Variants in SPIDR observed in about 807,000 individuals in gnomAD.
The protein encoded by SPIDR is scaffold protein involved in DNA repair.
A neutral mutation model predicts 104.6 loss-of-function variants in SPIDR; 93 were observed. That is an observed-to-expected ratio of 0.89 (90% CI 0.75 to 1.06). The LOEUF (loss-of-function observed/expected upper bound fraction) is 1.06, where lower values mean the gene tolerates loss of function less well. SPIDR is among the 50% of genes least tolerant of loss of function. SPIDR has a pLI of 0.00. For missense variants in SPIDR, 1,154 were observed against 1,111.2 expected (o/e 1.04, Z -0.55); for synonymous variants, 431 against 416.9 (o/e 1.03, Z -0.41).
chr8:47,550,153 G>C (rs2090197577), intron 8 of SPIDR, among the ~76,000 whole-genome samples: 1 of 152,156 alleles, frequency 6.6e-6, no homozygotes, highest in South Asian at 2.1e-4. Context: ...GTACCATCCT[G>C]TTTTTGTTAC....
intron 5 of SPIDR, among the ~76,000 whole-genome samples, chr8:47,300,874 G>A (rs2041957011): frequency 6.6e-6 from 1 of 152,132 alleles, no homozygotes; most frequent in Admixed American, 6.5e-5. Context: ...CCAAATATGT[G>A]GTCAATTTGG....
intron 8 of SPIDR, among the ~76,000 whole-genome samples, chr8:47,561,303 C>T (rs1202993193): frequency 6.6e-6 from 1 of 152,040 alleles, no homozygotes; most frequent in Non-Finnish European, 1.5e-5. Flanking sequence ...TTGGAGTTTC[C>T]ACCTGGAGTC....
At chr8:47,551,470 G>C (rs1332787548) in intron 8 of SPIDR, among the ~76,000 whole-genome samples, 1 of 152,164 alleles carries the variant, frequency 6.6e-6, no homozygotes, top group Non-Finnish European at 1.5e-5. Context: ...TCTATTGAGA[G>C]ATTCAACTTC....
chr8:47,664,302 G>T (rs1401347507), intron 10 of SPIDR, among the ~76,000 whole-genome samples: 1 of 152,180 alleles, frequency 6.6e-6, no homozygotes, highest in Non-Finnish European at 1.5e-5. Context: ...GAAGACTAGT[G>T]GGGGTAGGTG....
chr8:47,690,310 T>C (rs997636652), intron 11 of SPIDR, among the ~76,000 whole-genome samples: 5 of 152,082 alleles, frequency 3.3e-5, no homozygotes, highest in South Asian at 2.1e-4. Flanking sequence ...TGCGCCTGTG[T>C]GTGTAATTTC....
intron 7 of SPIDR, among the ~76,000 whole-genome samples, chr8:47,420,650 CGTCATTA>C (rs2065268270): frequency 6.6e-6 from 1 of 152,096 alleles, no homozygotes; most frequent in Admixed American, 6.6e-5. Context: ...AATTTGATCC[CGTCATTA>C]TGATGTTACC....
At chr8:47,632,663 C>G (rs2067253636) in intron 10 of SPIDR, among the ~76,000 whole-genome samples, 1 of 152,178 alleles carries the variant, frequency 6.6e-6, no homozygotes, top group South Asian at 2.1e-4. Flanking sequence ...TTTACATACT[C>G]AGGGGAAAAG....
intron 8 of SPIDR, among the ~76,000 whole-genome samples, chr8:47,569,384 T>C (rs1272174252): frequency 6.6e-6 from 1 of 152,188 alleles, no homozygotes; most frequent in Non-Finnish European, 1.5e-5. Context: ...CAGTAGGAAA[T>C]ATTGGACTTG....
chr8:47,561,541 GCAGT>G (rs1315761192), intron 8 of SPIDR, among the ~76,000 whole-genome samples: 1 of 152,224 alleles, frequency 6.6e-6, no homozygotes, highest in Admixed American at 6.5e-5. Flanking sequence ...TGGCTGCTCA[GCAGT>G]CAGTCTCTGA....
rs1242893166 is a variant in SPIDR, at chr8:47,466,898, A to ATATAT, written c.1097+26356_1097+26357insTATAT. Among the ~76,000 whole-genome samples the ATATAT allele has an allele frequency of 7.6e-4, 66 of 86,874 alleles. 2 individuals carry two copies. The highest frequency in any genetic ancestry group is 6.0e-3 in the East Asian group (23 of 3,826). The allele number at this position is 86,874 out of a possible 152,430, so 57.0% of individuals were successfully genotyped here. ...AGTTAGTTTTTTTTGAAAAAAAAAA[A>ATATAT]AAATATATATATATATAGATAGATA... On this transcript the variant is annotated intron_variant, in intron 8 of 19. Transcript: ENST00000297423.
intron 3 of SPIDR, among the ~76,000 whole-genome samples, chr8:47,286,105 T>C (rs2038792990): frequency 6.6e-6 from 1 of 152,192 alleles, no homozygotes; most frequent in African/African-American, 2.4e-5. Flanking sequence ...ACATAACTAA[T>C]GATTATCCTG....
intron 10 of SPIDR, among the ~76,000 whole-genome samples, chr8:47,613,095 C>A (rs949490591): frequency 9.2e-5 from 14 of 152,154 alleles, no homozygotes; most frequent in African/African-American, 3.1e-4. Flanking sequence ...CTATATCATT[C>A]CAAAACAGTT....
rs1208982471 is a variant in SPIDR, at chr8:47,443,642, CT to C, written c.1097+3112del. ...CAAAATAATTTTTTAAAGGACTAGT[CT>C]TTTTTTTTTTTATGGAAACTTGAGA... On this transcript the variant is annotated intron_variant, in intron 8 of 19. Transcript: ENST00000297423. 2.3e-3 allele frequency among the ~76,000 whole-genome samples: 301 copies of C among 132,086 alleles called. 1 individual carries two copies. The highest frequency in any genetic ancestry group is 3.8e-3 in the Middle Eastern group (1 of 260). 86.7% of individuals were successfully genotyped at this position (132,086 alleles called of 152,430 possible). A position where few individuals can be genotyped will look rare whatever the true frequency, so the allele number is the denominator to read the frequency against.
intron 8 of SPIDR, among the ~76,000 whole-genome samples, chr8:47,456,241 GT>G (rs1452399698): frequency 1.3e-5 from 2 of 152,100 alleles, no homozygotes; most frequent in African/African-American, 4.8e-5. Context: ...TATGACTGGT[GT>G]GCTTATAACA....
At chr8:47,590,666 G>C (rs554426767) in intron 8 of SPIDR, among the ~76,000 whole-genome samples, 1 of 152,248 alleles carries the variant, frequency 6.6e-6, no homozygotes, top group African/African-American at 2.4e-5. Context: ...GCTAGAACCT[G>C]TTTATTGATG....
At chr8:47,337,588 G>C (rs1461208831) in intron 5 of SPIDR, among the ~76,000 whole-genome samples, 7 of 135,456 alleles carry the variant, frequency 5.2e-5, no homozygotes, top group Non-Finnish European at 3.2e-5. Context: ...AAAAGTTTTT[G>C]TTTTTAGTAT....
Position 47,291,018 on chromosome 8 carries a change from C to CT in SPIDR, c.257-11dup, listed in dbSNP as rs2154237781. 6.3e-7 allele frequency: 1 copy of CT among 1,592,176 alleles called. No homozygotes were observed. Among genetic ancestry groups the CT allele is most frequent in the South Asian group, 1.1e-5 (1 of 88,620 alleles). On this transcript the variant is annotated splice_polypyrimidine_tract_variant and intron_variant, in intron 3 of 19. Coordinates refer to ENST00000297423, the MANE Select transcript of SPIDR (RefSeq NM_001080394.4). ...TAAGGAGATCATATTTATGTGCTTT[C>CT]TTTTCCTTCAACAGAAACCACCACA...
chr8:47,393,009 C>T (rs1283715790), intron 5 of SPIDR, among the ~76,000 whole-genome samples: 1 of 152,146 alleles, frequency 6.6e-6, no homozygotes, highest in Non-Finnish European at 1.5e-5. Context: ...TTCTCTTCTT[C>T]CTTTCACATA....
intron 8 of SPIDR, among the ~76,000 whole-genome samples, chr8:47,486,870 C>G (rs986469472): frequency 1.3e-5 from 2 of 152,190 alleles, no homozygotes; most frequent in Non-Finnish European, 2.9e-5. Context: ...CGGAAAGGAA[C>G]AACTGGTAGC....
Sources: allele counts gnomAD v4.1 joint callset (sites outside exome capture counted in the v4.1 genomes callset), GRCh38; gene constraint gnomAD v4.1.1; transcripts MANE v1.5; gene names NCBI Gene and HGNC (gene_info 2026-07-23, HGNC 2026-07-21).